LRP8: variants seen among roughly 807,000 people sequenced by gnomAD.
LRP8 encodes LDL receptor related protein 8, also known as low-density lipoprotein receptor-related protein 8.
A neutral mutation model predicts 111.6 loss-of-function variants in LRP8; 46 were observed. That is an observed-to-expected ratio of 0.41 (90% CI 0.33 to 0.53). The LOEUF (loss-of-function observed/expected upper bound fraction) is 0.53. Ranked by LOEUF, LRP8 falls within the 20% of genes least tolerant of loss-of-function variation. The probability of loss-of-function intolerance (pLI) is 0.20; values close to 1 mark genes in which losing one functional copy is unlikely to be tolerated. For synonymous variants in LRP8, 464 were observed against 511.2 expected (o/e 0.91, Z 1.24); for missense variants, 959 against 1,297.4 (o/e 0.74, Z 4.01).
At chr1:53,304,583 T>C (rs996330089) in intron 2 of LRP8, 4 of 152,268 alleles carry the variant, frequency 2.6e-5, no homozygotes, top group African/African-American at 9.6e-5. Flanking sequence ...AGGCCAACTG[T>C]GCGTGAGGGA....
In LRP8 at chr1:53,250,557, AAGG is replaced by A. The variant is rs1212846639; in HGVS notation, c.2676+130_2676+132del. Reference sequence around the variant, plus strand: ...AGGGAGGGAGGGAAGGACGGAAGGAAAGGAGGGAGGGAAGGACGGAAGGAAGGA... The same window carrying A: ...AGGGAGGGAGGGAAGGACGGAAGGAAAGGGAGGGAAGGACGGAAGGAAGGA... On this transcript the variant is annotated intron_variant, in intron 17 of 18. Coordinates refer to ENST00000306052, the MANE Select transcript of LRP8 (RefSeq NM_004631.5). This position sits in a 1 kb window ranked among gnomAD's most constrained non-coding sequence, Gnocchi z 4.6. 103 of 719,034 alleles carry A rather than the reference AAGG, an allele frequency of 1.4e-4. No homozygotes were observed. The highest frequency in any genetic ancestry group is 1.8e-4 in the Non-Finnish European group (79 of 433,220). The allele number at this position is 719,034 out of a possible 1,614,324, so 44.5% of individuals were successfully genotyped here. A position where few individuals can be genotyped will look rare whatever the true frequency, so the allele number is the denominator to read the frequency against.
At chr1:53,282,285 G>T (rs1024245728) in intron 3 of LRP8, among the ~76,000 whole-genome samples, 3 of 152,158 alleles carry the variant, frequency 2.0e-5, no homozygotes, top group Non-Finnish European at 2.9e-5. Context: ...TGAGTACAGG[G>T]CAATCCCTTG....
At chr1:53,260,334 G>A (rs1646282751) in intron 13 of LRP8, 130 bp downstream of exon 13, 1 of 792,666 alleles carries the variant, frequency 1.3e-6, no homozygotes, top group Non-Finnish European at 2.1e-6. Flanking sequence ...CTACCAACAA[G>A]AGGGATTGTT....
chr1:53,326,784 G>C (rs12718422), intron 2 of LRP8, 89 bp downstream of exon 2: 21,421 of 1,505,104 alleles, frequency 0.014, 641 homozygotes, highest in African/African-American at 0.1. Flanking sequence ...GTGGCAGCGC[G>C]GCGGCTGCAG....
At chr1:53,316,878 G>T (rs1311362537) in intron 2 of LRP8, among the ~76,000 whole-genome samples, 1 of 152,222 alleles carries the variant, frequency 6.6e-6, no homozygotes, top group East Asian at 1.9e-4. Context: ...CAGGAAGAGA[G>T]ACTGCTGGCG....
rs893965108 is a variant in LRP8, at chr1:53,324,090, T to A, written c.244+2783A>T. Among the ~76,000 whole-genome samples the A allele has an allele frequency of 4.4e-4, 67 of 152,208 alleles. 1 individual carries two copies. Among genetic ancestry groups the A allele is most frequent in the Admixed American group, 4.3e-3 (66 of 15,284 alleles). On this transcript the variant is annotated intron_variant, in intron 2 of 18. Coordinates refer to ENST00000306052, the MANE Select transcript of LRP8 (RefSeq NM_004631.5). ...TACAAAGGTGGGGCAGCTCAAGCCC[T>A]CTTGCAGGGTGGTGTGCCAAAGAGG...
chr1:53,278,770 T>TC (rs1647009913), intron 4 of LRP8, among the ~76,000 whole-genome samples: 1 of 151,452 alleles, frequency 6.6e-6, no homozygotes, highest in Non-Finnish European at 1.5e-5. Flanking sequence ...TTTTTTTTTT[T>TC]TTTAATTTTC....
At chr1:53,272,251 T>C (rs1646781953) in intron 6 of LRP8, among the ~76,000 whole-genome samples, 1 of 151,948 alleles carries the variant, frequency 6.6e-6, no homozygotes, top group African/African-American at 2.4e-5. Context: ...CTGCAAGAGG[T>C]GAAGGGATGC....
intron 3 of LRP8, 115 bp from the exon 4 acceptor site, chr1:53,280,830 G>A: frequency 1.5e-6 from 2 of 1,291,334 alleles, no homozygotes; most frequent in Non-Finnish European, 2.1e-6. Flanking sequence ...AGTCCATCAG[G>A]GCTCTTCTGG....
At chr1:53,321,164 C>T (rs1033335833) in intron 2 of LRP8, among the ~76,000 whole-genome samples, 21 of 152,316 alleles carry the variant, frequency 1.4e-4, no homozygotes, top group Non-Finnish European at 4.4e-5. Flanking sequence ...TGGCGGAGTG[C>T]ACAATGTTGA....
At chr1:53,309,366 G>A (rs1014218051) in intron 2 of LRP8, among the ~76,000 whole-genome samples, 24 of 152,180 alleles carry the variant, frequency 1.6e-4, no homozygotes, top group African/African-American at 5.1e-4. Context: ...ATGATAGTGC[G>A]TGGGGCTCAT....
chr1:53,249,565 G>A lies in LRP8; in HGVS notation c.2677-9C>T, dbSNP rs780421237. 1.3e-6 allele frequency: 2 copies of A among 1,583,650 alleles called. No individual in the cohort carries two copies. The highest frequency in any genetic ancestry group is 3.6e-5 in the Admixed American group (2 of 54,964). ...TCAAAGCTGCTGATTGCCTGACAGG[G>A]GGATGGCACTGTGGATGACCTCTGA... On this transcript the variant is annotated splice_polypyrimidine_tract_variant and intron_variant, in intron 17 of 18. Coordinates refer to ENST00000306052, the MANE Select transcript of LRP8 (RefSeq NM_004631.5). This position sits in a 1 kb window ranked among gnomAD's most constrained non-coding sequence, Gnocchi z 4.1.
At chr1:53,320,885 G>A (rs531581359) in intron 2 of LRP8, among the ~76,000 whole-genome samples, 8 of 152,192 alleles carry the variant, frequency 5.3e-5, no homozygotes, top group Non-Finnish European at 1.2e-4. Context: ...AGAAGAGTCT[G>A]GGCTCCAGAC....
At chr1:53,248,754 C>G (rs1231768975) in intron 18 of LRP8, among the ~76,000 whole-genome samples, 2 of 152,210 alleles carry the variant, frequency 1.3e-5, no homozygotes, top group Non-Finnish European at 2.9e-5. Context: ...TTACTTGGTC[C>G]TTAACACTCA....
chr1:53,311,678 C>G (rs751818383), intron 2 of LRP8, among the ~76,000 whole-genome samples: 1 of 151,626 alleles, frequency 6.6e-6, no homozygotes, highest in Non-Finnish European at 1.5e-5. Flanking sequence ...CCATCTGTCT[C>G]CATCTCTCCC....
chr1:53,274,532 T>C (rs1019986622), intron 6 of LRP8, among the ~76,000 whole-genome samples: 1 of 152,212 alleles, frequency 6.6e-6, no homozygotes, highest in Non-Finnish European at 1.5e-5. Context: ...ACCAGAGGCC[T>C]GGGGGCGAAA....
intron 15 of LRP8, among the ~76,000 whole-genome samples, chr1:53,256,220 T>C (rs534433181): frequency 6.6e-6 from 1 of 152,360 alleles, no homozygotes; most frequent in East Asian, 1.9e-4. Flanking sequence ...CCAAGGCCCA[T>C]CCTCTCTCAA....
intron 6 of LRP8, chr1:53,272,679 G>A: frequency 2.3e-6 from 3 of 1,289,434 alleles, no homozygotes; most frequent in Non-Finnish European, 3.0e-6. Context: ...CATGACTGGG[G>A]GACCCAGGGA....
rs191178082 is a variant in LRP8 at position 53,277,991 on chromosome 1, C to T, written c.497-913G>A. ...GGGATGTGCAGTAATTAAGGACACA[C>T]GTCATGGCTCTGCTTGGGGCTCTGG... On this transcript the variant is annotated intron_variant, in intron 4 of 18. Coordinates refer to ENST00000306052, the MANE Select transcript of LRP8 (RefSeq NM_004631.5). Among the ~76,000 whole-genome samples the T allele has an allele frequency of 1.2e-4, 18 of 152,300 alleles. No individual in the cohort carries two copies. In the East Asian group the frequency reaches 2.7e-3, roughly 23 times the overall value.
Sources: allele counts gnomAD v4.1 joint callset (sites outside exome capture counted in the v4.1 genomes callset), GRCh38; gene constraint gnomAD v4.1.1; non-coding constraint Gnocchi (gnomAD v3.1); transcripts MANE v1.5; gene names NCBI Gene and HGNC (gene_info 2026-07-23, HGNC 2026-07-21).